Variants in FNDC3A observed in about 807,000 individuals in gnomAD.
FNDC3A encodes fibronectin type-III domain-containing protein 3A.
A neutral mutation model predicts 148.9 loss-of-function variants in FNDC3A; 32 were observed. That is an observed-to-expected ratio of 0.21 (90% CI 0.16 to 0.29). The LOEUF (loss-of-function observed/expected upper bound fraction) is 0.29. Ranked by LOEUF, FNDC3A falls within the 10% of genes least tolerant of loss-of-function variation. The pLI is 1.00. For missense variants in FNDC3A, 1,191 were observed against 1,452.8 expected (o/e 0.82, Z 2.93); for synonymous variants, 472 against 473.6 (o/e 1.00, Z 0.04).
intron 2 of FNDC3A, among the ~76,000 whole-genome samples, chr13:49,065,374 A>G (rs966822851): frequency 2.0e-5 from 3 of 152,232 alleles, no homozygotes; most frequent in Non-Finnish European, 2.9e-5. Flanking sequence ...AGTATTGAGG[A>G]CTACACAATA....
intron 2 of FNDC3A, among the ~76,000 whole-genome samples, chr13:49,048,765 A>G (rs1172750663): frequency 1.3e-5 from 2 of 152,134 alleles, no homozygotes; most frequent in African/African-American, 4.8e-5. Context: ...TCAGCAAACA[A>G]CAACATTTTG....
chr13:49,207,296 G>T lies in FNDC3A; in HGVS notation c.3498G>T (p.Arg1166=), dbSNP rs769207704. 1.2e-6 allele frequency: 2 copies of T among 1,614,128 alleles called. No homozygotes were observed. The change falls in exon 26 of 26, where the codon CGG becomes CGT. Residue 1166 remains arginine (R), a synonymous_variant. Coordinates refer to ENST00000492622, the MANE Select transcript of FNDC3A (RefSeq NM_001079673.2). ...CTGTGGAAAGCACAAGGACCCGACG[G>T]GCACTGAGTGACGAGCAGTGTGCTG... The part of the protein sequence containing the change: ...RDTVESTRTR[R]ALSDEQCAAV...
At chr13:49,005,723 TGA>T (rs1398288094) in intron 1 of FNDC3A, among the ~76,000 whole-genome samples, 1 of 151,922 alleles carries the variant, frequency 6.6e-6, no homozygotes, top group East Asian at 1.9e-4. Context: ...TGAGGGGGAT[TGA>T]GTCTTCATAA....
At chr13:49,036,612 C>T (rs1443763408) in intron 2 of FNDC3A, among the ~76,000 whole-genome samples, 1 of 152,176 alleles carries the variant, frequency 6.6e-6, no homozygotes, top group Non-Finnish European at 1.5e-5. Flanking sequence ...ACTCTAGTCT[C>T]TGTAACTGTA....
In FNDC3A at chr13:49,083,558, T is replaced by C. The variant is rs1396551775; in HGVS notation, c.175+8194T>C. On this transcript the variant is annotated intron_variant, in intron 3 of 25. Transcript: ENST00000492622. ...CCCAAGGAAGATAACCAGGAGATCA[T>C]AGAAGCGTGAAATCACCTTTATAAA... 2.6e-5 allele frequency among the ~76,000 whole-genome samples: 4 copies of C among 151,992 alleles called. 1 individual carries two copies.
In FNDC3A at chr13:49,201,796, T is replaced by A. The variant is rs746758957; in HGVS notation, c.2988-4T>A. The A allele has an allele frequency of 7.0e-7, 1 of 1,425,238 alleles. No individual in the cohort carries two copies. Among genetic ancestry groups the A allele is most frequent in the Non-Finnish European group, 9.4e-7 (1 of 1,066,196 alleles). 88.3% of individuals were successfully genotyped at this position (1,425,238 alleles called of 1,614,324 possible). A position where few individuals can be genotyped will look rare whatever the true frequency, so the allele number is the denominator to read the frequency against. On this transcript the variant is annotated splice_polypyrimidine_tract_variant and splice_region_variant and intron_variant, in intron 23 of 25. Coordinates refer to ENST00000492622, the MANE Select transcript of FNDC3A (RefSeq NM_001079673.2). ...GGTTTATCTAATAGTTATTTCCATT[T>A]TAGGTTTGTATCCCTATACAGAGGA...
chr13:49,162,544 G>A (rs762260343), intron 8 of FNDC3A, among the ~76,000 whole-genome samples: 12 of 152,134 alleles, frequency 7.9e-5, no homozygotes, highest in Non-Finnish European at 1.3e-4. Flanking sequence ...TCCTTGTGAC[G>A]GGTTCAAACA....
At chr13:49,180,213 T>C (rs1885234453) in intron 14 of FNDC3A, among the ~76,000 whole-genome samples, 1 of 152,210 alleles carries the variant, frequency 6.6e-6, no homozygotes, top group African/African-American at 2.4e-5. Flanking sequence ...GCTCATTAGT[T>C]GATAAATTCA....
At chr13:49,045,207 G>A (rs1197615965) in intron 2 of FNDC3A, among the ~76,000 whole-genome samples, 2 of 149,602 alleles carry the variant, frequency 1.3e-5, no homozygotes, top group African/African-American at 4.9e-5. Context: ...ATGCTCGAGT[G>A]TAGTGGTACC....
chr13:49,164,465 A>C (rs1456742157), intron 8 of FNDC3A, among the ~76,000 whole-genome samples: 1 of 152,106 alleles, frequency 6.6e-6, no homozygotes, highest in African/African-American at 2.4e-5. Flanking sequence ...AGACTTGGAA[A>C]GTTTTCAGCT....
intron 2 of FNDC3A, among the ~76,000 whole-genome samples, chr13:49,028,366 A>G (rs1305934205): frequency 6.6e-6 from 1 of 151,970 alleles, no homozygotes; most frequent in Non-Finnish European, 1.5e-5. Flanking sequence ...TCAGCCTCCT[A>G]AGTAGCTGGG....
At chr13:49,108,794 C>T (rs1008992236) in intron 3 of FNDC3A, among the ~76,000 whole-genome samples, 2 of 152,138 alleles carry the variant, frequency 1.3e-5, no homozygotes, top group African/African-American at 4.8e-5. Flanking sequence ...GACCAGGAGA[C>T]TCCTTGCCCT....
At position 49,198,386 on chromosome 13, in the gene FNDC3A, C is replaced by A; in HGVS notation, c.2799C>A (p.Ser933Arg). The A allele has an allele frequency of 1.2e-6, 2 of 1,614,072 alleles. No individual in the cohort carries two copies. The highest frequency in any genetic ancestry group is 1.7e-6 in the Non-Finnish European group (2 of 1,179,984). Residue 933 changes from serine to arginine, a missense_variant, in exon 23 of 26, where the codon AGC becomes AGA. This residue lies in a region of FNDC3A where 751 missense variants were observed against 944.0 expected (regional missense o/e 0.80). Coordinates refer to ENST00000492622, the MANE Select transcript of FNDC3A (RefSeq NM_001079673.2). ...TYRIRIQALN[S>R]LGAGPFSHMI... ...GAATACGAATTCAAGCCTTGAATAG[C>A]CTTGGAGCTGGTCCTTTCAGCCATA... is the stretch of plus-strand genomic sequence containing the variant.
intron 6 of FNDC3A, among the ~76,000 whole-genome samples, chr13:49,138,282 A>T (rs930055114): frequency 1.3e-5 from 2 of 152,174 alleles, no homozygotes; most frequent in Non-Finnish European, 2.9e-5. Flanking sequence ...AAATTAAGTT[A>T]AAGTTTTTTG....
At chr13:49,114,388 T>C (rs929909034) in intron 3 of FNDC3A, among the ~76,000 whole-genome samples, 7 of 150,364 alleles carry the variant, frequency 4.7e-5, no homozygotes, top group Non-Finnish European at 8.9e-5. Context: ...CCTGTTAATA[T>C]GTTTTAAAAA....
At chr13:49,082,977 C>G (rs1457744575) in intron 3 of FNDC3A, among the ~76,000 whole-genome samples, 1 of 152,052 alleles carries the variant, frequency 6.6e-6, no homozygotes, top group Non-Finnish European at 1.5e-5. Flanking sequence ...GTAGGAGTCC[C>G]AGCATGGTCA....
intron 8 of FNDC3A, among the ~76,000 whole-genome samples, chr13:49,157,932 G>A (rs1392018146): frequency 6.9e-6 from 1 of 144,932 alleles, no homozygotes; most frequent in Non-Finnish European, 1.5e-5. Flanking sequence ...AAAGCTGTCA[G>A]ACAGGGACAT....
At chr13:49,077,071 A>T (rs556507084) in intron 3 of FNDC3A, among the ~76,000 whole-genome samples, 1 of 152,178 alleles carries the variant, frequency 6.6e-6, no homozygotes, top group Non-Finnish European at 1.5e-5. Flanking sequence ...TGAGGCCAGG[A>T]ATACGAGACC....
intron 8 of FNDC3A, among the ~76,000 whole-genome samples, chr13:49,159,445 T>G (rs1324986643): frequency 1.3e-5 from 2 of 152,246 alleles, no homozygotes; most frequent in African/African-American, 4.8e-5. Flanking sequence ...ATAGTAATGC[T>G]TGTGATTTTT....
Sources: gnomAD v4.1 joint callset for allele counts (sites outside exome capture counted in the v4.1 genomes callset) on GRCh38, gnomAD v4.1.1 for gene constraint, gnomAD v4.1.1 regional missense constraint, MANE v1.5 for transcripts, NCBI Gene and HGNC (gene_info 2026-07-23, HGNC 2026-07-21) for gene names.